NAV3: variants seen among roughly 807,000 people sequenced by gnomAD.
NAV3 encodes the protein pore membrane and/or filament interacting like protein 1.
Under a neutral mutation model 244.7 loss-of-function variants are expected in NAV3, and 87 were observed. That is an observed-to-expected ratio of 0.36 (90% CI 0.30 to 0.42). The LOEUF (loss-of-function observed/expected upper bound fraction) is 0.42. NAV3 is among the 20% of genes least tolerant of loss of function. The pLI, the probability that NAV3 is intolerant of heterozygous loss-of-function variation, is 1.00. For synonymous variants in NAV3, 1,126 were observed against 1,042.2 expected, an observed-to-expected ratio of 1.08 and a Z score of -1.55; for missense variants, 2,663 against 2,893.3, an observed-to-expected ratio of 0.92 and a Z score of 1.83.
At chr12:77,896,820 A>G (rs905399698) in intron 1 of NAV3, among the ~76,000 whole-genome samples, 4 of 152,138 alleles carry the variant, frequency 2.6e-5, no homozygotes, top group Non-Finnish European at 5.9e-5. Context: ...AGGAAACCCA[A>G]TTTTGATGTG....
chr12:78,048,100 T>C (rs1384477643), intron 9 of NAV3, among the ~76,000 whole-genome samples: 1 of 152,318 alleles, frequency 6.6e-6, no homozygotes, highest in East Asian at 1.9e-4. Context: ...GTTATTCTAG[T>C]TAATAATTCC....
At chr12:78,159,555 G>C (rs1957439872) in intron 23 of NAV3, among the ~76,000 whole-genome samples, 2 of 152,010 alleles carry the variant, frequency 1.3e-5, no homozygotes. Flanking sequence ...TGTAATCCCA[G>C]CTACGCAGGA....
intron 2 of NAV3, among the ~76,000 whole-genome samples, chr12:77,649,878 C>T (rs1313896029): frequency 6.6e-6 from 1 of 152,044 alleles, no homozygotes; most frequent in Non-Finnish European, 1.5e-5. Context: ...ACCAAGAAGA[C>T]CTTGAGTTGC....
chr12:78,176,832 A>G (rs1375672375), intron 26 of NAV3, among the ~76,000 whole-genome samples: 2 of 152,106 alleles, frequency 1.3e-5, no homozygotes, highest in Non-Finnish European at 2.9e-5. Flanking sequence ...TGAAGAGAGA[A>G]GCATTGGGAA....
At chr12:77,713,857 A>G (rs1876236574) in intron 2 of NAV3, among the ~76,000 whole-genome samples, 1 of 152,168 alleles carries the variant, frequency 6.6e-6, no homozygotes, top group Non-Finnish European at 1.5e-5. Flanking sequence ...TGGGCTAGGT[A>G]ATTAACCATT....
Position 77,801,828 on chromosome 12 carries a change from T to C in NAV3, c.73-138491T>C, listed in dbSNP as rs112549575. Among the ~76,000 whole-genome samples the C allele has an allele frequency of 2.3e-3, 357 of 152,306 alleles. 4 individuals are homozygous for C. The highest frequency in any genetic ancestry group is 8.3e-3 in the African/African-American group (346 of 41,588). On this transcript the variant is annotated intron_variant, in intron 2 of 8. Transcript: ENST00000550042. ...AACTCTCTGCCTGTAACTGACTTGG[T>C]ACATCAGAGACATTCATCTTTATTT...
intron 2 of NAV3, among the ~76,000 whole-genome samples, chr12:77,684,740 A>G (rs1874636682): frequency 6.6e-6 from 1 of 152,100 alleles, no homozygotes; most frequent in South Asian, 2.1e-4. Flanking sequence ...AATCTTATAT[A>G]ACTCATTGCC....
intron 26 of NAV3, 67 bp downstream of exon 26, chr12:78,176,526 T>C: frequency 6.6e-7 from 1 of 1,519,566 alleles, no homozygotes; most frequent in South Asian, 1.1e-5. Flanking sequence ...ATGAATGCTA[T>C]CCATTTTGGC....
At chr12:78,093,446 T>C (rs893012498) in intron 12 of NAV3, among the ~76,000 whole-genome samples, 2 of 152,220 alleles carry the variant, frequency 1.3e-5, no homozygotes, top group African/African-American at 4.8e-5. Context: ...AACATTTTGA[T>C]CTCTGGTTAG....
At chr12:77,578,533 C>G (rs1869202166) in intron 2 of NAV3, among the ~76,000 whole-genome samples, 1 of 152,188 alleles carries the variant, frequency 6.6e-6, no homozygotes, top group African/African-American at 2.4e-5. Context: ...GAAACCTAAA[C>G]TATGACACTC....
intron 22 of NAV3, among the ~76,000 whole-genome samples, chr12:78,152,608 A>C (rs759185782): frequency 1.3e-5 from 2 of 151,926 alleles, no homozygotes; most frequent in Non-Finnish European, 2.9e-5. Flanking sequence ...ATTTTTCCTC[A>C]GTTGTAAGAA....
chr12:77,576,910 G>A lies in NAV3; in HGVS notation c.72+4644G>A, dbSNP rs578051949. Among the ~76,000 whole-genome samples, 298 of 152,018 alleles carry A rather than the reference G, an allele frequency of 2.0e-3. 3 individuals are homozygous for A. Among genetic ancestry groups the A allele is most frequent in the African/African-American group, 7.0e-3 (290 of 41,506 alleles). On this transcript the variant is annotated intron_variant, in intron 2 of 8. Coordinates refer to the NAV3 transcript ENST00000550042. ...ATTACATAAGTTATAGGGAGCATGAGGGATGATGAGGTTTCTGAAACAACA... is the reference window on the plus strand; with the variant it reads ...ATTACATAAGTTATAGGGAGCATGAAGGATGATGAGGTTTCTGAAACAACA...
chr12:78,150,464 G>GA (rs1373984701), intron 22 of NAV3, among the ~76,000 whole-genome samples: 2 of 151,672 alleles, frequency 1.3e-5, no homozygotes, highest in South Asian at 2.1e-4. Context: ...GTCTTCAAAA[G>GA]AAAAAACTAA....
At chr12:77,925,536 A>AG (rs35835782) in intron 1 of NAV3, among the ~76,000 whole-genome samples, 29 of 104,722 alleles carry the variant, frequency 2.8e-4, no homozygotes, top group South Asian at 1.2e-3. Flanking sequence ...TAGGATGAAA[A>AG]GGCGGGGGGA....
intron 20 of NAV3, among the ~76,000 whole-genome samples, chr12:78,145,349 C>T (rs1416223565): frequency 6.6e-6 from 1 of 152,052 alleles, no homozygotes; most frequent in Non-Finnish European, 1.5e-5. Context: ...AAAATATATC[C>T]TGATGGTTAG....
At chr12:77,700,648 G>A (rs979143812) in intron 2 of NAV3, among the ~76,000 whole-genome samples, 1 of 151,904 alleles carries the variant, frequency 6.6e-6, no homozygotes, top group Non-Finnish European at 1.5e-5. Flanking sequence ...AGTATGATTT[G>A]TACTCTTTTA....
At chr12:78,122,908 T>G (rs1955737252) in intron 16 of NAV3, among the ~76,000 whole-genome samples, 1 of 144,292 alleles carries the variant, frequency 6.9e-6, no homozygotes, top group Non-Finnish European at 1.5e-5. Context: ...TTGGCCTGGT[T>G]AAAAAAAAAA....
intron 9 of NAV3, among the ~76,000 whole-genome samples, chr12:78,048,841 C>G (rs1208688020): frequency 2.0e-5 from 3 of 152,182 alleles, no homozygotes; most frequent in African/African-American, 7.2e-5. Flanking sequence ...CCCAGGTGCT[C>G]TGTCCCAGGG....
At chr12:77,897,968 G>C (rs1357147403) in intron 1 of NAV3, among the ~76,000 whole-genome samples, 2 of 152,078 alleles carry the variant, frequency 1.3e-5, no homozygotes, top group Non-Finnish European at 2.9e-5. Flanking sequence ...GATGACTTTA[G>C]GTCACAAGGA....
Sources: gnomAD v4.1 joint callset for allele counts (sites outside exome capture counted in the v4.1 genomes callset) on GRCh38, gnomAD v4.1.1 for gene constraint, MANE v1.5 for transcripts, NCBI Gene and HGNC (gene_info 2026-07-23, HGNC 2026-07-21) for gene names.